The following CSMD3 variants were observed in gnomAD, a reference collection of about 807,000 sequenced individuals.
CSMD3 encodes the protein CUB and Sushi multiple domains 3, also known as CUB and sushi domain-containing protein 3.
Under a neutral mutation model 435.2 loss-of-function variants are expected in CSMD3, and 177 were observed. That is an observed-to-expected ratio of 0.41 (90% CI 0.36 to 0.46). The LOEUF (loss-of-function observed/expected upper bound fraction) is 0.46, where lower values mean the gene tolerates loss of function less well. CSMD3 is among the 20% of genes least tolerant of loss of function. The probability of loss-of-function intolerance (pLI) is 0.34; values close to 1 mark genes in which losing one functional copy is unlikely to be tolerated. For synonymous variants in CSMD3, 1,656 were observed against 1,520.5 expected, an observed-to-expected ratio of 1.09 and a Z score of -2.07; for missense variants, 4,265 against 4,504.6, an observed-to-expected ratio of 0.95 and a Z score of 1.52.
intron 1 of CSMD3, among the ~76,000 whole-genome samples, chr8:113,402,209 T>G (rs2094513491): frequency 7.0e-6 from 1 of 143,860 alleles, no homozygotes. Context: ...TTAAATTTTT[T>G]CATTTGACAG....
Position 112,905,321 on chromosome 8 carries a change from T to TAC in CSMD3, c.1633+16304_1633+16305dup, listed in dbSNP as rs1554715002. Reference sequence around the variant, plus strand: ...TATACTATGTGTATATATATATATATACACACACACACACACACATATATA... The same window carrying TAC: ...TATACTATGTGTATATATATATATATACACACACACACACACACACATATATA... On this transcript the variant is annotated intron_variant, in intron 10 of 70. Coordinates refer to ENST00000297405, the MANE Select transcript of CSMD3 (RefSeq NM_198123.2). Among the ~76,000 whole-genome samples, 1,186 of 145,418 alleles carry TAC rather than the reference T, an allele frequency of 8.2e-3. 19 individuals are homozygous for TAC. Among genetic ancestry groups the TAC allele is most frequent in the Admixed American group, 0.034 (483 of 14,414 alleles).
At chr8:113,317,337 C>T (rs181560532) in intron 1 of CSMD3, among the ~76,000 whole-genome samples, 1 of 152,246 alleles carries the variant, frequency 6.6e-6, no homozygotes, top group Non-Finnish European at 1.5e-5. Context: ...AGCATGAATC[C>T]CTTCAGCTAC....
chr8:112,336,844 A>C lies in CSMD3; in HGVS notation c.6842-15T>G, dbSNP rs758407839. On this transcript the variant is annotated splice_polypyrimidine_tract_variant and intron_variant, in intron 43 of 70. Transcript: ENST00000297405. ...ACCACAAAGAGCTACGGAAAAAGTC[A>C]CAAAACAAAATAATATTTTAAAATA... The C allele has an allele frequency of 3.1e-6, 5 of 1,601,834 alleles. No individual in the cohort carries two copies. In the African/African-American group the frequency reaches 6.7e-5, roughly 21 times the overall value.
chr8:112,563,038 T>G (rs1828775376), intron 24 of CSMD3, among the ~76,000 whole-genome samples: 1 of 151,782 alleles, frequency 6.6e-6, no homozygotes, highest in South Asian at 2.1e-4. Flanking sequence ...GAATGTCAAC[T>G]GTGCCACCTC....
intron 40 of CSMD3, 94 bp downstream of exon 40, chr8:112,351,081 A>C (rs1027723901): frequency 3.7e-6 from 3 of 812,310 alleles, no homozygotes; most frequent in Non-Finnish European, 6.2e-6. Flanking sequence ...TACAGAATGA[A>C]ACTTTAAAAT....
At chr8:113,399,159 T>C (rs1471805847) in intron 1 of CSMD3, among the ~76,000 whole-genome samples, 1 of 147,256 alleles carries the variant, frequency 6.8e-6, no homozygotes, top group Non-Finnish European at 1.5e-5. Context: ...GTAATTTTCA[T>C]ATATATATAT....
intron 1 of CSMD3, among the ~76,000 whole-genome samples, chr8:113,434,901 G>C (rs1204433012): frequency 6.6e-6 from 1 of 152,126 alleles, no homozygotes; most frequent in Non-Finnish European, 1.5e-5. Context: ...CCCCGAATGT[G>C]TTTTGGCTCA....
chr8:112,980,198 TTG>T (rs1226570977), intron 6 of CSMD3, among the ~76,000 whole-genome samples: 2 of 150,756 alleles, frequency 1.3e-5, no homozygotes, highest in Non-Finnish European at 3.0e-5. Context: ...AAATTTTATG[TTG>T]TTTCTTTGTA....
chr8:112,937,381 C>G (rs537867876), intron 9 of CSMD3, among the ~76,000 whole-genome samples: 29 of 140,202 alleles, frequency 2.1e-4, no homozygotes, highest in Non-Finnish European at 3.8e-4. Flanking sequence ...GACAGAGTCT[C>G]TCTCTGTCGC....
intron 1 of CSMD3, among the ~76,000 whole-genome samples, chr8:113,350,077 C>T (rs1447463431): frequency 6.6e-6 from 1 of 151,812 alleles, no homozygotes; most frequent in East Asian, 1.9e-4. Context: ...CAACCATTCC[C>T]GCTACCCTAG....
intron 3 of CSMD3, among the ~76,000 whole-genome samples, chr8:113,186,761 T>C (rs2092509190): frequency 6.6e-6 from 1 of 152,002 alleles, no homozygotes. Context: ...GTCACATGGA[T>C]AGCTTTATTT....
chr8:112,319,209 C>T (rs1203582267), intron 46 of CSMD3, among the ~76,000 whole-genome samples: 2 of 151,870 alleles, frequency 1.3e-5, no homozygotes, highest in African/African-American at 4.8e-5. Context: ...AAGCAATAGT[C>T]ATAAGGAAAT....
chr8:112,867,416 T>C (rs933100393), intron 10 of CSMD3, among the ~76,000 whole-genome samples: 3 of 152,162 alleles, frequency 2.0e-5, no homozygotes, highest in Non-Finnish European at 4.4e-5. Context: ...ACTTCGTTCA[T>C]GCGTTGCTTA....
At position 113,003,920 on chromosome 8, in the gene CSMD3, T is replaced by TA. The variant is rs920224467; in HGVS notation, c.1030+15146dup. ...TGTGAATACATTGGCCTTACCGGAT[T>TA]AAAAAAAACATTTATTTTTCTAACA... On this transcript the variant is annotated intron_variant, in intron 6 of 70. Transcript: ENST00000297405. Among the ~76,000 whole-genome samples, 41 of 151,926 alleles carry TA rather than the reference T, an allele frequency of 2.7e-4. No homozygotes were observed. In the East Asian group the frequency reaches 6.2e-3, roughly 23 times the overall value.
Position 112,999,299 on chromosome 8 carries a change from T to C in CSMD3, c.1030+19768A>G, listed in dbSNP as rs560312215. On this transcript the variant is annotated intron_variant, in intron 6 of 70. Transcript: ENST00000297405. ...ACTAAGATTTAAGATTTAATCAAAT[T>C]TATGAAGAGTATCAGAAATTGAGCC... Among the ~76,000 whole-genome samples the C allele has an allele frequency of 2.6e-5, 4 of 151,840 alleles. No homozygotes were observed. In the Admixed American group the frequency reaches 2.6e-4, roughly 10 times the overall value.
chr8:113,420,623 A>G (rs548246226), intron 1 of CSMD3, among the ~76,000 whole-genome samples: 3 of 152,146 alleles, frequency 2.0e-5, no homozygotes, highest in Admixed American at 6.6e-5. Context: ...ATACGTCTAT[A>G]TACATATATG....
intron 1 of CSMD3, chr8:113,376,847 C>G: frequency 6.2e-7 from 1 of 1,613,052 alleles, no homozygotes; most frequent in Non-Finnish European, 8.5e-7. Context: ...AACCGGCCAC[C>G]TCTGCCCCTT....
intron 10 of CSMD3, among the ~76,000 whole-genome samples, chr8:112,880,069 T>TA (rs1216944825): frequency 4.7e-4 from 72 of 152,004 alleles, no homozygotes; most frequent in African/African-American, 1.7e-3. Flanking sequence ...TAAAGTATAA[T>TA]AAAAAAATTA....
chr8:112,265,365 A>T (rs777482414), intron 60 of CSMD3, 46 bp downstream of exon 60: 2 of 1,413,172 alleles, frequency 1.4e-6, no homozygotes, highest in South Asian at 2.4e-5. Context: ...ATAAGAAAAT[A>T]TGTACTGGTT....
Sources: gnomAD v4.1 joint callset for allele counts (sites outside exome capture counted in the v4.1 genomes callset) on GRCh38, gnomAD v4.1.1 for gene constraint, MANE v1.5 for transcripts, NCBI Gene and HGNC (gene_info 2026-07-23, HGNC 2026-07-21) for gene names.